NELL2: variants seen among roughly 807,000 people sequenced by gnomAD.
NELL2 encodes protein kinase C-binding protein NELL2.
A neutral mutation model predicts 109.6 loss-of-function variants in NELL2; 41 were observed. The ratio of observed to expected loss-of-function variants is 0.37; its 90% CI spans 0.29 to 0.49. The LOEUF (loss-of-function observed/expected upper bound fraction) is 0.49. Among genes scored for constraint, NELL2 ranks in the 20% least tolerant of loss-of-function variants. The probability of loss-of-function intolerance (pLI) is 0.98; values close to 1 mark genes in which losing one functional copy is unlikely to be tolerated. For synonymous variants in NELL2, 355 were observed against 344.7 expected (o/e 1.03, Z -0.33); for missense variants, 900 against 1,008.3 (o/e 0.89, Z 1.45).
chr12:44,875,132 A>C, intron 2 of NELL2, 93 bp downstream of exon 2: 1 of 1,482,568 alleles, frequency 6.7e-7, no homozygotes, highest in Non-Finnish European at 9.1e-7. Flanking sequence ...GTCATCCATG[A>C]GGCAATACAA....
At chr12:44,628,099 A>G (rs1946330547) in intron 13 of NELL2, among the ~76,000 whole-genome samples, 1 of 152,104 alleles carries the variant, frequency 6.6e-6, no homozygotes, top group South Asian at 2.1e-4. Context: ...CAGCAGTAAA[A>G]CAAAAATGAG....
At chr12:44,840,724 A>T (rs1448930923) in intron 2 of NELL2, among the ~76,000 whole-genome samples, 2 of 152,204 alleles carry the variant, frequency 1.3e-5, no homozygotes, top group African/African-American at 4.8e-5. Flanking sequence ...TTTCCTAACC[A>T]CAGAAATTTC....
chr12:44,636,394 A>G (rs895379052), intron 13 of NELL2, among the ~76,000 whole-genome samples: 26 of 152,138 alleles, frequency 1.7e-4, no homozygotes, highest in Non-Finnish European at 5.9e-5. Context: ...ACTTTTGCCC[A>G]TTCAGTATGA....
Position 44,607,990 on chromosome 12 carries a change from G to A in NELL2, c.1568-726C>T, listed in dbSNP as rs141931774. 2.2e-3 allele frequency among the ~76,000 whole-genome samples: 330 copies of A among 152,198 alleles called. 1 individual carries two copies. The highest frequency in any genetic ancestry group is 7.2e-3 in the African/African-American group (300 of 41,552). ...CAAGGGCGATCTCTTGAAATGTGCTGTCTTCGAAGAAGTGCATAAAAGAAG... is the reference window on the plus strand; with the variant it reads ...CAAGGGCGATCTCTTGAAATGTGCTATCTTCGAAGAAGTGCATAAAAGAAG... On this transcript the variant is annotated intron_variant, in intron 14 of 19. Transcript: ENST00000429094.
At chr12:44,824,658 G>GTTAT (rs143236607) in intron 2 of NELL2, among the ~76,000 whole-genome samples, 11 of 140,608 alleles carry the variant, frequency 7.8e-5, no homozygotes, top group African/African-American at 2.9e-4. Flanking sequence ...GTTTTGTAGT[G>GTTAT]TTATTTATTT....
Position 44,876,226 on chromosome 12 carries a change from G to C in NELL2, c.-357C>G, listed in dbSNP as rs966420510. Reference sequence around the variant, plus strand: ...CAAAGACTCGCACACCCGGTAGAAGGGGGGCGGCCCCAAGAAAGCCCGGGC... The same window carrying C: ...CAAAGACTCGCACACCCGGTAGAAGCGGGGCGGCCCCAAGAAAGCCCGGGC... On this transcript the variant is annotated 5_prime_UTR_variant, in exon 1 of 20. Transcript: ENST00000429094. 1.8e-4 allele frequency: 207 copies of C among 1,176,262 alleles called. No individual in the cohort carries two copies. The highest frequency in any genetic ancestry group is 1.1e-3 in the Middle Eastern group (3 of 2,786). The allele number at this position is 1,176,262 out of a possible 1,614,324, so 72.9% of individuals were successfully genotyped here.
intron 12 of NELL2, among the ~76,000 whole-genome samples, chr12:44,695,553 C>T (rs965208467): frequency 4.6e-5 from 7 of 151,886 alleles, no homozygotes; most frequent in African/African-American, 1.7e-4. Flanking sequence ...AATCATTAGC[C>T]GGGCATGATG....
At chr12:44,641,569 C>G (rs1946856249) in intron 13 of NELL2, among the ~76,000 whole-genome samples, 2 of 151,826 alleles carry the variant, frequency 1.3e-5, no homozygotes, top group Non-Finnish European at 2.9e-5. Context: ...GAAAAAAACC[C>G]CATAAATATG....
At chr12:44,791,492 T>C (rs1942431783) in intron 3 of NELL2, among the ~76,000 whole-genome samples, 1 of 151,522 alleles carries the variant, frequency 6.6e-6, no homozygotes, top group South Asian at 2.1e-4. Context: ...CTGCTCGGTA[T>C]AGAGCTCCTG....
chr12:44,598,178 A>T (rs1052752996), intron 15 of NELL2, among the ~76,000 whole-genome samples: 1 of 148,302 alleles, frequency 6.7e-6, no homozygotes, highest in Non-Finnish European at 1.5e-5. Context: ...AAAAAAAAAA[A>T]AAAAACAGTA....
At chr12:44,682,559 A>T (rs1227772807) in intron 12 of NELL2, among the ~76,000 whole-genome samples, 3 of 152,180 alleles carry the variant, frequency 2.0e-5, no homozygotes, top group Non-Finnish European at 2.9e-5. Flanking sequence ...TAGGTCTAAC[A>T]TTTAAGTCTT....
chr12:44,798,946 C>CTTTTT lies in NELL2; in HGVS notation c.335+17035_335+17039dup, dbSNP rs1157006162. Among the ~76,000 whole-genome samples the CTTTTT allele has an allele frequency of 7.6e-4, 59 of 77,446 alleles. 4 individuals carry two copies. The highest frequency in any genetic ancestry group is 1.2e-3 in the African/African-American group (21 of 16,812). 50.8% of individuals were successfully genotyped at this position (77,446 alleles called of 152,430 possible). ...AAAAGAACTTTGCAAATGATTTCCA[C>CTTTTT]TTTTTTTTTTTTTTTTTTTTTTTTT... On this transcript the variant is annotated intron_variant, in intron 3 of 19. Transcript: ENST00000429094.
At position 44,632,865 on chromosome 12, in the gene NELL2, A is replaced by AT. The variant is rs955624453; in HGVS notation, c.1445-21896dup. Among the ~76,000 whole-genome samples, 10 of 151,664 alleles carry AT rather than the reference A, an allele frequency of 6.6e-5. No homozygotes were observed. In the South Asian group the frequency reaches 1.0e-3, roughly 16 times the overall value. Reference sequence around the variant, plus strand: ...CAATTATAATTCAATTATCTCTATCATTTTTTTTCTGTTTGTTTTCCCAAA... The same window carrying AT: ...CAATTATAATTCAATTATCTCTATCATTTTTTTTTCTGTTTGTTTTCCCAAA... On this transcript the variant is annotated intron_variant, in intron 13 of 19. Transcript: ENST00000429094.
upstream of NELL2, chr12:44,876,637 C>A: frequency 6.4e-7 from 1 of 1,551,344 alleles, no homozygotes; most frequent in Non-Finnish European, 8.7e-7. Flanking sequence ...TCTTGAAAGA[C>A]AGGAGAGAAA....
At chr12:44,663,533 GT>G (rs1455938294) in intron 13 of NELL2, among the ~76,000 whole-genome samples, 2 of 152,108 alleles carry the variant, frequency 1.3e-5, no homozygotes, top group Middle Eastern at 3.2e-3. Flanking sequence ...TCTGAATAGC[GT>G]TTCTTAAAAT....
In NELL2 at chr12:44,776,091, G is replaced by C. The variant is rs770341215; in HGVS notation, c.822C>G (p.Cys274Trp). ...RLDQCYCERT[C>W]TMKGTTYREF... ...CTCGGTAGGTGGTTCCCTTCATGGT[G>C]CAAGTCCTTTCACAATAGCACTGAT... The change falls in exon 8 of 20, where the codon TGC becomes TGG. Residue 274 changes from cysteine (C) to tryptophan (W), a missense_variant. Physicochemically the swap from Cys to Trp is radical, Grantham distance 215. Around this residue, in one of 4 missense-constraint regions of NELL2, gnomAD observed 292 missense variants for 265.3 expected, o/e 1.10. Coordinates refer to ENST00000429094, the MANE Select transcript of NELL2 (RefSeq NM_001145108.2). The C allele has an allele frequency of 1.2e-6, 2 of 1,614,038 alleles. No individual in the cohort carries two copies. Among genetic ancestry groups the C allele is most frequent in the Non-Finnish European group, 1.7e-6 (2 of 1,179,966 alleles).
At chr12:44,587,917 C>A (rs909417316) in intron 15 of NELL2, among the ~76,000 whole-genome samples, 6 of 152,122 alleles carry the variant, frequency 3.9e-5, no homozygotes, top group African/African-American at 1.4e-4. Context: ...TTTGGGAGGC[C>A]AAGGCGGGCG....
chr12:44,730,702 C>G (rs1446990322), intron 9 of NELL2, among the ~76,000 whole-genome samples: 1 of 151,666 alleles, frequency 6.6e-6, no homozygotes, highest in African/African-American at 2.4e-5. Flanking sequence ...AAGAACCTAA[C>G]TAAACACCTC....
At chr12:44,865,087 T>C (rs982770288) in intron 2 of NELL2, among the ~76,000 whole-genome samples, 14 of 133,122 alleles carry the variant, frequency 1.1e-4, no homozygotes, top group Non-Finnish European at 1.9e-4. Context: ...TGATATCTCA[T>C]AGTGGTTTTG....
Sources: allele counts gnomAD v4.1 joint callset (sites outside exome capture counted in the v4.1 genomes callset), GRCh38; gene constraint gnomAD v4.1.1; regional missense constraint gnomAD v4.1.1; transcripts MANE v1.5; gene names NCBI Gene and HGNC (gene_info 2026-07-23, HGNC 2026-07-21).